DYNC1I1: variants seen among roughly 807,000 people sequenced by gnomAD.
The protein encoded by DYNC1I1 is dynein cytoplasmic 1 intermediate chain 1, also known as cytoplasmic dynein 1 intermediate chain 1.
Under a neutral mutation model 86.6 loss-of-function variants are expected in DYNC1I1, and 43 were observed. The ratio of observed to expected loss-of-function variants is 0.50; its 90% CI spans 0.39 to 0.64. DYNC1I1 has a LOEUF of 0.64. Ranked by LOEUF, DYNC1I1 falls within the 30% of genes least tolerant of loss-of-function variation. The pLI, the probability that DYNC1I1 is intolerant of heterozygous loss-of-function variation, is 0.00. For missense variants in DYNC1I1, 604 were observed against 788.8 expected (o/e 0.77, Z 2.81); for synonymous variants, 262 against 283.7 (o/e 0.92, Z 0.77).
At chr7:95,783,674 T>C (rs1282573321) in intron 1 of DYNC1I1, among the ~76,000 whole-genome samples, 1 of 152,208 alleles carries the variant, frequency 6.6e-6, no homozygotes, top group Non-Finnish European at 1.5e-5. Context: ...GACAAAAACA[T>C]TTCAATTAAT....
At chr7:95,966,223 C>A (rs6961619) in intron 6 of DYNC1I1, among the ~76,000 whole-genome samples, 1 of 152,110 alleles carries the variant, frequency 6.6e-6, no homozygotes, top group African/African-American at 2.4e-5. Context: ...CCCAGGCACT[C>A]TTTATTCACA....
intron 6 of DYNC1I1, among the ~76,000 whole-genome samples, chr7:95,927,839 G>C (rs778804787): frequency 6.6e-6 from 1 of 152,188 alleles, no homozygotes; most frequent in Non-Finnish European, 1.5e-5. Flanking sequence ...GACCAGAACT[G>C]ATGCCAGCTG....
chr7:95,892,965 GTAAT>G (rs1790783588), intron 6 of DYNC1I1, among the ~76,000 whole-genome samples: 1 of 152,160 alleles, frequency 6.6e-6, no homozygotes, highest in African/African-American at 2.4e-5. Flanking sequence ...TTATTATAAA[GTAAT>G]AAATAAATTG....
chr7:96,083,483 T>C (rs1428421626), intron 16 of DYNC1I1, among the ~76,000 whole-genome samples: 2 of 152,056 alleles, frequency 1.3e-5, no homozygotes, highest in Non-Finnish European at 1.5e-5. Flanking sequence ...TAAGGGCAAA[T>C]GCTGCCATTA....
At chr7:95,856,059 T>C (rs1418213071) in intron 5 of DYNC1I1, among the ~76,000 whole-genome samples, 3 of 152,260 alleles carry the variant, frequency 2.0e-5, no homozygotes, top group African/African-American at 7.2e-5. Context: ...TTGACTCTTT[T>C]GTGATAACAT....
Position 95,873,322 on chromosome 7 carries a change from T to C in DYNC1I1, c.490+3324T>C, listed in dbSNP as rs141433170. Among the ~76,000 whole-genome samples, 40 of 152,292 alleles carry C rather than the reference T, an allele frequency of 2.6e-4. No individual in the cohort carries two copies. In the East Asian group the frequency reaches 7.5e-3, roughly 29 times the overall value. On this transcript the variant is annotated intron_variant, in intron 6 of 16. Coordinates refer to ENST00000447467, the MANE Select transcript of DYNC1I1 (RefSeq NM_001135556.2). Reference sequence around the variant, plus strand: ...TTTGCCATAGACACTTGGGGCACCATTGGGTCAGCTGGACCATAATTTCCA... The same window carrying C: ...TTTGCCATAGACACTTGGGGCACCACTGGGTCAGCTGGACCATAATTTCCA...
chr7:96,088,203 G>GT, intron 16 of DYNC1I1, among the ~76,000 whole-genome samples: 1 of 152,130 alleles, frequency 6.6e-6, no homozygotes, highest in South Asian at 2.1e-4. Context: ...TCAAGCAAAT[G>GT]TTTTTTCTGA....
intron 1 of DYNC1I1, among the ~76,000 whole-genome samples, chr7:95,790,974 T>A (rs1198011101): frequency 6.6e-6 from 1 of 152,190 alleles, no homozygotes; most frequent in Non-Finnish European, 1.5e-5. Flanking sequence ...TTCATACGTA[T>A]TTTGTAGTAA....
chr7:96,032,827 A>G (rs1210179846), intron 12 of DYNC1I1, 47 bp downstream of exon 12: 25 of 1,483,394 alleles, frequency 1.7e-5, no homozygotes, highest in Non-Finnish European at 2.3e-5. Context: ...GTTAAAAGAG[A>G]TACCTACTTA....
chr7:96,028,620 A>G lies in DYNC1I1; in HGVS notation c.1116+299A>G, dbSNP rs552941749. Among the ~76,000 whole-genome samples, 44 of 152,208 alleles carry G rather than the reference A, an allele frequency of 2.9e-4. 1 individual carries two copies. Among genetic ancestry groups the G allele is most frequent in the Non-Finnish European group, 4.3e-4 (29 of 68,042 alleles). Reference sequence around the variant, plus strand: ...CATCTGTGGAATTGTTTTCCCAAAGAAACCCTATGCATTTACATTATAAGG... The same window carrying G: ...CATCTGTGGAATTGTTTTCCCAAAGGAACCCTATGCATTTACATTATAAGG... On this transcript the variant is annotated intron_variant, in intron 11 of 16. Coordinates refer to ENST00000447467, the MANE Select transcript of DYNC1I1 (RefSeq NM_001135556.2).
chr7:95,810,607 A>C, intron 3 of DYNC1I1, 101 bp downstream of exon 3: 2 of 990,926 alleles, frequency 2.0e-6, no homozygotes, highest in South Asian at 2.4e-5. Context: ...GTTTTTTTTA[A>C]TTTTTATTTT....
chr7:95,846,269 C>T (rs1322269340), intron 5 of DYNC1I1, among the ~76,000 whole-genome samples: 2 of 152,092 alleles, frequency 1.3e-5, no homozygotes, highest in Non-Finnish European at 2.9e-5. Context: ...GAACCTCTTC[C>T]AGTGTTGCCA....
At chr7:96,000,786 C>A (rs1417293936) in intron 10 of DYNC1I1, among the ~76,000 whole-genome samples, 3 of 152,098 alleles carry the variant, frequency 2.0e-5, no homozygotes, top group Non-Finnish European at 4.4e-5. Flanking sequence ...ATCACTGGGA[C>A]ACATCTGGGG....
intron 16 of DYNC1I1, among the ~76,000 whole-genome samples, chr7:96,086,563 A>G (rs1439808001): frequency 5.9e-5 from 9 of 152,328 alleles, no homozygotes; most frequent in African/African-American, 2.2e-4. Context: ...TTTAAATTTG[A>G]ACTCTGAACT....
At chr7:95,784,754 A>G (rs1584218705) in intron 1 of DYNC1I1, among the ~76,000 whole-genome samples, 1 of 152,346 alleles carries the variant, frequency 6.6e-6, no homozygotes, top group East Asian at 1.9e-4. Context: ...TGCCTAGGGA[A>G]GTTCAAGCAT....
At chr7:95,853,100 G>A (rs1200434591) in intron 5 of DYNC1I1, among the ~76,000 whole-genome samples, 1 of 151,986 alleles carries the variant, frequency 6.6e-6, no homozygotes, top group South Asian at 2.1e-4. Context: ...TTGACTTCTA[G>A]TTTTATACCA....
chr7:96,021,534 C>G (rs377052827), intron 10 of DYNC1I1, among the ~76,000 whole-genome samples: 121 of 152,134 alleles, frequency 8.0e-4, no homozygotes, highest in African/African-American at 2.8e-3. Context: ...TTACATGCCA[C>G]AAATTTACCC....
chr7:96,069,167 C>T (rs533822319), intron 14 of DYNC1I1, among the ~76,000 whole-genome samples: 1 of 152,216 alleles, frequency 6.6e-6, no homozygotes, highest in East Asian at 1.9e-4. Flanking sequence ...ACCTGATCAT[C>T]GTAGATATAT....
chr7:96,062,253 T>C (rs1789804360), intron 14 of DYNC1I1, among the ~76,000 whole-genome samples: 1 of 152,214 alleles, frequency 6.6e-6, no homozygotes, highest in Non-Finnish European at 1.5e-5. Flanking sequence ...GGATTTATCA[T>C]GATTTGGGTT....
Sources: gnomAD v4.1 joint callset for allele counts (sites outside exome capture counted in the v4.1 genomes callset) on GRCh38, gnomAD v4.1.1 for gene constraint, MANE v1.5 for transcripts, NCBI Gene and HGNC (gene_info 2026-07-23, HGNC 2026-07-21) for gene names.